The following SLC12A6 variants were observed in gnomAD, a reference collection of about 807,000 sequenced individuals.
The protein encoded by SLC12A6 is solute carrier family 12 member 6.
In SLC12A6, 66 loss-of-function variants were observed where a neutral mutation model predicts 135.3. The observed-to-expected ratio is 0.49, with a 90% CI of 0.40 to 0.60. The LOEUF is 0.60. SLC12A6 is among the 20% of genes least tolerant of loss of function. The pLI is 0.00. For synonymous variants in SLC12A6, 513 were observed against 508.8 expected, an observed-to-expected ratio of 1.01 and a Z score of -0.11; for missense variants, 1,058 against 1,452.3, an observed-to-expected ratio of 0.73 and a Z score of 4.41.
chr15:34,336,320 A>T (rs1276001759), intron 2 of SLC12A6, 90 bp downstream of exon 2: 16 of 1,019,552 alleles, frequency 1.6e-5, no homozygotes, highest in Non-Finnish European at 2.0e-5. Context: ...AATCATAATT[A>T]TATGATTATG....
chr15:34,251,169 G>T, intron 10 of SLC12A6, 112 bp from the exon 11 acceptor site: 1 of 805,690 alleles, frequency 1.2e-6, no homozygotes, highest in African/African-American at 1.7e-5. Flanking sequence ...GTTTCTAAAG[G>T]TGTGTTTGCT....
At chr15:34,264,476 T>C (rs1893360215) in intron 3 of SLC12A6, among the ~76,000 whole-genome samples, 1 of 152,234 alleles carries the variant, frequency 6.6e-6, no homozygotes, top group African/African-American at 2.4e-5. Context: ...TGAGAAATTT[T>C]ACAAGATGAT....
At position 34,265,621 on chromosome 15, in the gene SLC12A6, T is replaced by C. The variant is rs140726624; in HGVS notation, c.317-4601A>G. On this transcript the variant is annotated intron_variant, in intron 3 of 25. Transcript: ENST00000354181. ...TTACAGTACTTGACAATTTCTGTGG[T>C]ATAAATACTCACACATGGCCATTTT... Among the ~76,000 whole-genome samples, 387 of 152,272 alleles carry C rather than the reference T, an allele frequency of 2.5e-3. 1 individual carries two copies. Among genetic ancestry groups the C allele is most frequent in the African/African-American group, 9.1e-3 (379 of 41,552 alleles).
chr15:34,278,252 T>C (rs1233026603), intron 2 of SLC12A6, among the ~76,000 whole-genome samples: 2 of 151,764 alleles, frequency 1.3e-5, no homozygotes, highest in Non-Finnish European at 2.9e-5. Flanking sequence ...CATAGAGAAA[T>C]GCCATCTCCA....
intron 2 of SLC12A6, among the ~76,000 whole-genome samples, chr15:34,328,594 C>G (rs1446769188): frequency 6.6e-6 from 1 of 152,066 alleles, no homozygotes; most frequent in East Asian, 1.9e-4. Flanking sequence ...AAAAGTATAC[C>G]AGGGCCAGGT....
chr15:34,264,639 A>AT (rs1893371757), intron 3 of SLC12A6, among the ~76,000 whole-genome samples: 1 of 152,234 alleles, frequency 6.6e-6, no homozygotes, highest in Non-Finnish European at 1.5e-5. Context: ...GAAACAAAAA[A>AT]TAAGAGAAAA....
intron 13 of SLC12A6, among the ~76,000 whole-genome samples, chr15:34,248,522 G>T (rs1353575253): frequency 6.6e-6 from 1 of 151,176 alleles, no homozygotes; most frequent in Non-Finnish European, 1.5e-5. Context: ...TACTACAATG[G>T]TATAGTAATA....
chr15:34,274,116 A>C (rs1303314033), intron 3 of SLC12A6, among the ~76,000 whole-genome samples: 4 of 152,234 alleles, frequency 2.6e-5, no homozygotes, highest in Non-Finnish European at 5.9e-5. Flanking sequence ...ATACATGCTC[A>C]TGAGTAGGAA....
intron 2 of SLC12A6, among the ~76,000 whole-genome samples, chr15:34,279,397 C>T (rs1894521252): frequency 6.6e-6 from 1 of 152,042 alleles, no homozygotes; most frequent in African/African-American, 2.4e-5. Context: ...TATATAGGCC[C>T]GTGAACCCAC....
At chr15:34,323,431 C>T (rs774002737) in intron 2 of SLC12A6, among the ~76,000 whole-genome samples, 3 of 152,176 alleles carry the variant, frequency 2.0e-5, no homozygotes, top group Non-Finnish European at 2.9e-5. Context: ...CGCCTCCTGT[C>T]GGATCAGCGG....
intron 10 of SLC12A6, 41 bp downstream of exon 10, chr15:34,252,129 A>G: frequency 9.5e-7 from 1 of 1,050,648 alleles, no homozygotes; most frequent in Non-Finnish European, 1.5e-6. Flanking sequence ...TATTTTCCCC[A>G]GAAAATAGGA....
chr15:34,250,776 T>C, intron 11 of SLC12A6, 47 bp from the exon 12 acceptor site: 2 of 1,371,350 alleles, frequency 1.5e-6, no homozygotes, highest in South Asian at 1.2e-5. Flanking sequence ...TTGGACACTT[T>C]GATATTGATA....
chr15:34,249,580 AG>A (rs921597298), intron 13 of SLC12A6, among the ~76,000 whole-genome samples: 1 of 152,160 alleles, frequency 6.6e-6, no homozygotes, highest in Non-Finnish European at 1.5e-5. Context: ...ATAAATAAGT[AG>A]AAAAGAAAAG....
intron 2 of SLC12A6, among the ~76,000 whole-genome samples, chr15:34,292,363 T>C (rs1313562652): frequency 2.0e-5 from 3 of 152,174 alleles, no homozygotes; most frequent in Non-Finnish European, 2.9e-5. Flanking sequence ...CTCTGGAAGC[T>C]TCGTCTCAGA....
At chr15:34,308,694 T>C (rs1157928878) in intron 2 of SLC12A6, among the ~76,000 whole-genome samples, 1 of 149,108 alleles carries the variant, frequency 6.7e-6, no homozygotes, top group Non-Finnish European at 1.5e-5. Flanking sequence ...GATTTCTCAA[T>C]TTTTAGTGCC....
intron 17 of SLC12A6, among the ~76,000 whole-genome samples, chr15:34,241,821 A>T (rs1277833648): frequency 6.6e-6 from 1 of 152,216 alleles, no homozygotes; most frequent in Non-Finnish European, 1.5e-5. Flanking sequence ...TGAAGAGATA[A>T]GCAAAAATAT....
At chr15:34,334,550 AT>A (rs1370444610) in intron 2 of SLC12A6, among the ~76,000 whole-genome samples, 1 of 152,080 alleles carries the variant, frequency 6.6e-6, no homozygotes, top group African/African-American at 2.4e-5. Context: ...CATCATAAGA[AT>A]TTTTTTAAAT....
chr15:34,336,703 A>T lies in SLC12A6; in HGVS notation c.-23T>A. 6.2e-7 allele frequency: 1 copy of T among 1,611,986 alleles called. No homozygotes were observed. Among genetic ancestry groups the T allele is most frequent in the Non-Finnish European group, 8.5e-7 (1 of 1,178,062 alleles). On this transcript the variant is annotated 5_prime_UTR_variant, in exon 2 of 26. Transcript: ENST00000354181. ...CATTTTGTTCTTTTTAAGAACAAAA[A>T]AAGTGGGGGGAACCTCGCAAAATCT...
At chr15:34,243,021 G>A (rs922847872) in intron 16 of SLC12A6, among the ~76,000 whole-genome samples, 2 of 152,150 alleles carry the variant, frequency 1.3e-5, no homozygotes, top group Admixed American at 6.5e-5. Context: ...AGCCTCCTGA[G>A]TAGCTGGGAT....
Sources: gnomAD v4.1 joint callset for allele counts (sites outside exome capture counted in the v4.1 genomes callset) on GRCh38, gnomAD v4.1.1 for gene constraint, MANE v1.5 for transcripts, NCBI Gene and HGNC (gene_info 2026-07-23, HGNC 2026-07-21) for gene names.